Variants in INTS13 observed in about 807,000 individuals in gnomAD.
The protein encoded by INTS13 is integrator complex subunit 13, also known as asunder, spermatogenesis regulator homolog (Drosphila).
Under a neutral mutation model 90.2 loss-of-function variants are expected in INTS13, and 35 were observed. The observed-to-expected ratio is 0.39, with a 90% CI of 0.30 to 0.51. The LOEUF (loss-of-function observed/expected upper bound fraction) is 0.51, where lower values mean the gene tolerates loss of function less well. Among genes scored for constraint, INTS13 ranks in the 20% least tolerant of loss-of-function variants. INTS13 has a pLI of 0.80. For missense variants in INTS13, 601 were observed against 851.2 expected, an observed-to-expected ratio of 0.71 and a Z score of 3.66; for synonymous variants, 309 against 277.1, an observed-to-expected ratio of 1.11 and a Z score of -1.14.
intron 8 of INTS13, among the ~76,000 whole-genome samples, chr12:26,920,631 C>T (rs1952090279): frequency 6.6e-6 from 1 of 152,088 alleles, no homozygotes; most frequent in African/African-American, 2.4e-5. Flanking sequence ...TTGACCTCGT[C>T]ATCCACCTGC....
At chr12:26,928,956 T>TA (rs1410248614) in intron 3 of INTS13, 51 bp from the exon 4 acceptor site, 1 of 1,511,204 alleles carries the variant, frequency 6.6e-7, no homozygotes, top group Non-Finnish European at 9.1e-7. Context: ...GCAATTCAGA[T>TA]AAAAATATCA....
Position 26,936,723 on chromosome 12 carries a change from A to T in INTS13, c.81T>A (p.His27Gln). 6.2e-7 allele frequency: 1 copy of T among 1,614,150 alleles called. No individual in the cohort carries two copies. The highest frequency in any genetic ancestry group is 8.5e-7 in the Non-Finnish European group (1 of 1,180,004). The change falls in exon 2 of 17, where the codon CAT becomes CAA. Residue 27 changes from histidine (H) to glutamine (Q), a missense_variant. His to Gln is a conservative substitution (Grantham distance 24, BLOSUM62 0). Coordinates refer to ENST00000261191, the MANE Select transcript of INTS13 (RefSeq NM_018164.3). Reference sequence around the variant, plus strand: ...TCTTCACCAGCATATCAAACTCGACATGCTGCCTGCAAGATTCTGCCATAT... The same window carrying T: ...TCTTCACCAGCATATCAAACTCGACTTGCTGCCTGCAAGATTCTGCCATAT... The part of the protein sequence containing the change: ...CPYMAESCRQ[H>Q]VEFDMLVKNR...
rs1393068023 is a variant in INTS13, at chr12:26,906,375, G to C, written c.2008C>G (p.Gln670Glu). Residue 670 changes from glutamine to glutamate, a missense_variant, in exon 16 of 17, where the codon CAG becomes GAG. By Grantham distance (29) the Gln-to-Glu change is conservative. Transcript: ENST00000261191. ...GAGTTCAAACGTCCAGCAAATTCCT[G>C]ATGTTTTCTGGAATTGGCAGTATTG... ...RINTANSRKH[Q>E]EFAGRLNSVN... 6.2e-7 allele frequency: 1 copy of C among 1,612,576 alleles called. No homozygotes were observed. The highest frequency in any genetic ancestry group is 1.7e-5 in the Admixed American group (1 of 59,922).
At chr12:26,911,908 A>T (rs1020972016) in intron 14 of INTS13, among the ~76,000 whole-genome samples, 2 of 152,224 alleles carry the variant, frequency 1.3e-5, no homozygotes, top group Non-Finnish European at 2.9e-5. Flanking sequence ...AGCAGCCCTA[A>T]GGAAAACATG....
chr12:26,927,334 GGTC>G (rs1937931880), intron 5 of INTS13, among the ~76,000 whole-genome samples: 1 of 152,114 alleles, frequency 6.6e-6, no homozygotes. Flanking sequence ...TAATCTGTGG[GGTC>G]TGTATTAACT....
chr12:26,910,224 G>A (rs1447370846), intron 15 of INTS13, among the ~76,000 whole-genome samples: 1 of 152,170 alleles, frequency 6.6e-6, no homozygotes, highest in African/African-American at 2.4e-5. Context: ...TTTCGTAAGA[G>A]TTTAGGGTCA....
chr12:26,922,478 A>G (rs1937640294), intron 8 of INTS13, 138 bp downstream of exon 8: 1 of 476,210 alleles, frequency 2.1e-6, no homozygotes, highest in South Asian at 5.0e-5. Flanking sequence ...CAGTGTATAC[A>G]GTATAGGGTT....
intron 8 of INTS13, among the ~76,000 whole-genome samples, 164 bp from the exon 9 acceptor site, chr12:26,917,897 G>A (rs1040286497): frequency 1.3e-5 from 2 of 152,066 alleles, no homozygotes; most frequent in African/African-American, 4.8e-5. Context: ...GCTGAGGCAG[G>A]TGGATCACGA....
intron 4 of INTS13, among the ~76,000 whole-genome samples, 186 bp from the exon 5 acceptor site, chr12:26,928,471 TTAC>T (rs1364502190): frequency 5.3e-5 from 8 of 151,950 alleles, no homozygotes; most frequent in African/African-American, 1.9e-4. Context: ...AATGTTAAAT[TTAC>T]CTACATGATG....
intron 10 of INTS13, 120 bp downstream of exon 10, chr12:26,917,232 G>C (rs1211260685): frequency 4.3e-5 from 12 of 277,808 alleles, no homozygotes; most frequent in Admixed American, 5.5e-5. Flanking sequence ...CTACAGTGAT[G>C]AATATAGCTT....
In INTS13 at chr12:26,917,415, G is replaced by C; in HGVS notation, c.1006C>G (p.Arg336Gly). The change falls in exon 10 of 17, where the codon CGG becomes GGG. Residue 336 changes from arginine to glycine, a missense_variant. Physicochemically the swap from Arg to Gly is moderately radical, Grantham distance 125 (BLOSUM62 -2). Around this residue, in one of 3 missense-constraint regions of INTS13, gnomAD observed 89 missense variants for 191.0 expected, o/e 0.47. Transcript: ENST00000261191. ...IELHYCTGAY[R>G]ISPVDVNSRP... is the part of the protein sequence containing the mutation. ...CTATTTACATCTACAGGTGAAATCC[G>C]ATAAGCTCCAGTACAATAGTGTAAT... The C allele has an allele frequency of 6.4e-7, 1 of 1,570,228 alleles. No individual in the cohort carries two copies. Among genetic ancestry groups the C allele is most frequent in the Non-Finnish European group, 8.7e-7 (1 of 1,151,008 alleles).
In INTS13 at chr12:26,936,742, G is replaced by T; in HGVS notation, c.62C>A (p.Ala21Glu). Residue 21 changes from alanine to glutamate, a missense_variant, in exon 2 of 17, where the codon GCA becomes GAA. Ala to Glu is a moderately radical substitution (Grantham distance 107). Transcript: ENST00000261191. ...VFVVDHCPYM[A>E]ESCRQHVEFD... ...CTCGACATGCTGCCTGCAAGATTCTGCCATATAAGGGCAGTGATCCACAAC... is the reference window on the plus strand; with the variant it reads ...CTCGACATGCTGCCTGCAAGATTCTTCCATATAAGGGCAGTGATCCACAAC... 6.2e-7 allele frequency: 1 copy of T among 1,614,072 alleles called. No individual in the cohort carries two copies. Among genetic ancestry groups the T allele is most frequent in the South Asian group, 1.1e-5 (1 of 91,084 alleles).
intron 9 of INTS13, 85 bp from the exon 10 acceptor site, chr12:26,917,526 A>C (rs1951972147): frequency 1.7e-6 from 2 of 1,208,026 alleles, no homozygotes; most frequent in South Asian, 1.3e-5. Flanking sequence ...TTCTTCACTG[A>C]GTTCATTGAG....
chr12:26,913,811 C>A, intron 13 of INTS13, 124 bp from the exon 14 acceptor site: 1 of 1,135,526 alleles, frequency 8.8e-7, no homozygotes, highest in South Asian at 1.5e-5. Context: ...TAGTGAAATT[C>A]TAGGCTACAA....
At chr12:26,933,386 C>G (rs776450006) in intron 3 of INTS13, among the ~76,000 whole-genome samples, 1 of 152,138 alleles carries the variant, frequency 6.6e-6, no homozygotes, top group Non-Finnish European at 1.5e-5. Context: ...CCAAGGCACA[C>G]CACTGAGATT....
At chr12:26,918,830 A>T (rs961780482) in intron 8 of INTS13, among the ~76,000 whole-genome samples, 2 of 152,222 alleles carry the variant, frequency 1.3e-5, no homozygotes, top group Non-Finnish European at 2.9e-5. Context: ...AGTTTCCTTG[A>T]GAAGTGAAGA....
chr12:26,924,475 C>T lies in INTS13; in HGVS notation c.684G>A (p.Pro228=), dbSNP rs777994257. ...VSDRSKKELS[P]VLTSEVHSVR... The stretch of plus-strand genomic sequence containing the variant: ...CACTATGAACTTCACTGGTTAAAAC[C>T]GGGGACAACTACAGAAAAACATACA... Residue 228 remains proline (P), a synonymous_variant, in exon 7 of 17, where the codon CCG becomes CCA. Transcript: ENST00000261191. 16 of 1,600,760 alleles carry T rather than the reference C, an allele frequency of 1.0e-5. No individual in the cohort carries two copies. In the African/African-American group the frequency reaches 1.1e-4, roughly 11 times the overall value.
intron 3 of INTS13, among the ~76,000 whole-genome samples, chr12:26,929,277 T>C (rs998858877): frequency 1.9e-4 from 29 of 152,164 alleles, no homozygotes; most frequent in African/African-American, 7.0e-4. Flanking sequence ...AAAGGACACC[T>C]ATGAAAAACC....
chr12:26,922,511 C>T, intron 8 of INTS13, 105 bp downstream of exon 8: 1 of 711,914 alleles, frequency 1.4e-6, no homozygotes, highest in Non-Finnish European at 2.2e-6. Flanking sequence ...AGATTTCAGG[C>T]ATCCACTGGG....
Sources: gnomAD v4.1 joint callset for allele counts (sites outside exome capture counted in the v4.1 genomes callset) on GRCh38, gnomAD v4.1.1 for gene constraint, gnomAD v4.1.1 regional missense constraint, MANE v1.5 for transcripts, NCBI Gene and HGNC (gene_info 2026-07-23, HGNC 2026-07-21) for gene names.